FNDC1: variants seen among roughly 807,000 people sequenced by gnomAD.
The protein encoded by FNDC1 is fibronectin type III domain containing 1.
In FNDC1, 96 loss-of-function variants were observed where a neutral mutation model predicts 168.0. The ratio of observed to expected loss-of-function variants is 0.57; its 90% CI spans 0.48 to 0.68. The LOEUF (loss-of-function observed/expected upper bound fraction) is 0.68. Ranked by LOEUF, FNDC1 falls within the 30% of genes least tolerant of loss-of-function variation. The pLI is 0.00. For missense variants in FNDC1, 2,587 were observed against 2,482.1 expected (o/e 1.04, Z -0.90); for synonymous variants, 1,099 against 1,025.9 (o/e 1.07, Z -1.36).
At chr6:159,206,577 G>A (rs1302194264) in intron 4 of FNDC1, among the ~76,000 whole-genome samples, 2 of 152,228 alleles carry the variant, frequency 1.3e-5, no homozygotes, top group Non-Finnish European at 2.9e-5. Context: ...GTTGACAACA[G>A]CTGGGGCTTG....
intron 1 of FNDC1, among the ~76,000 whole-genome samples, chr6:159,178,113 C>A (rs1034845384): frequency 6.6e-6 from 1 of 152,068 alleles, no homozygotes; most frequent in Non-Finnish European, 1.5e-5. Context: ...CAAGAGCTCT[C>A]AGCAAAGACT....
chr6:159,181,791 A>G (rs768678666), intron 1 of FNDC1, among the ~76,000 whole-genome samples: 22 of 151,968 alleles, frequency 1.4e-4, no homozygotes, highest in Non-Finnish European at 2.8e-4. Flanking sequence ...TCTAGATTGT[A>G]TTTTCTAATT....
chr6:159,242,884 T>A (rs567470905), intron 14 of FNDC1, among the ~76,000 whole-genome samples: 3 of 152,388 alleles, frequency 2.0e-5, no homozygotes, highest in South Asian at 4.1e-4. Context: ...TCATTTTTTT[T>A]ATTCCATTGT....
intron 20 of FNDC1, among the ~76,000 whole-genome samples, chr6:159,265,790 T>G (rs189594806): frequency 1.3e-5 from 2 of 152,220 alleles, no homozygotes; most frequent in East Asian, 3.9e-4. Context: ...TAGCCGGGTG[T>G]GGTGGCGTGC....
At chr6:159,268,229 T>C (rs1303725968) in intron 22 of FNDC1, among the ~76,000 whole-genome samples, 1 of 152,078 alleles carries the variant, frequency 6.6e-6, no homozygotes, top group Non-Finnish European at 1.5e-5. Context: ...GCTATTTGAT[T>C]GTGGCATTAT....
At chr6:159,225,928 T>C (rs770508110) in intron 8 of FNDC1, among the ~76,000 whole-genome samples, 3 of 152,240 alleles carry the variant, frequency 2.0e-5, no homozygotes, top group Non-Finnish European at 4.4e-5. Context: ...TACCGTTTGT[T>C]GGCCTTTTCC....
chr6:159,235,743 A>G (rs1433275762), intron 11 of FNDC1, among the ~76,000 whole-genome samples: 1 of 152,190 alleles, frequency 6.6e-6, no homozygotes, highest in Non-Finnish European at 1.5e-5. Context: ...TTGAGACAGC[A>G]TTGTGCTTTT....
chr6:159,210,378 A>T (rs916119917), intron 4 of FNDC1, among the ~76,000 whole-genome samples: 62 of 152,224 alleles, frequency 4.1e-4, no homozygotes, highest in African/African-American at 1.4e-3. Context: ...AGCCTTTCTG[A>T]GCCTCACTTC....
chr6:159,223,003 T>A (rs1583883821), intron 6 of FNDC1, among the ~76,000 whole-genome samples: 1 of 61,064 alleles, frequency 1.6e-5, no homozygotes, highest in South Asian at 6.3e-4. Context: ...TTTTTTTTTT[T>A]TTTTTTTTTG....
Position 159,232,651 on chromosome 6 carries a change from A to C in FNDC1, c.2139A>C (p.Ser713=). The C allele has an allele frequency of 6.8e-6, 11 of 1,613,142 alleles. No individual in the cohort carries two copies. The highest frequency in any genetic ancestry group is 9.3e-6 in the Non-Finnish European group (11 of 1,179,420). ...CCGCAGAGGAAGATTCCAGTGCCTC[A>C]GCCCCACCCTCAAGACTTTCTCCAC... ...SGAAEEDSSA[S]APPSRLSPPH... Residue 713 remains serine (S), a synonymous_variant, in exon 11 of 23, where the codon TCA becomes TCC. Coordinates refer to ENST00000297267, the MANE Select transcript of FNDC1 (RefSeq NM_032532.3). This position sits in a 1 kb window ranked among gnomAD's most constrained non-coding sequence, Gnocchi z 4.9.
At chr6:159,269,506 C>A in intron 22 of FNDC1, among the ~76,000 whole-genome samples, 1 of 116,756 alleles carries the variant, frequency 8.6e-6, no homozygotes. Context: ...ATCTATCCAT[C>A]CATCCATGCA....
chr6:159,204,687 C>G (rs1057078662), intron 4 of FNDC1, among the ~76,000 whole-genome samples: 1 of 152,210 alleles, frequency 6.6e-6, no homozygotes, highest in Non-Finnish European at 1.5e-5. Flanking sequence ...TCTCTGTCTG[C>G]CATGCTGATG....
intron 1 of FNDC1, among the ~76,000 whole-genome samples, chr6:159,170,816 G>C (rs1324115055): frequency 1.3e-5 from 2 of 152,170 alleles, no homozygotes; most frequent in African/African-American, 4.8e-5. Flanking sequence ...AGTGCCTGCC[G>C]TAGGGTCTTT....
chr6:159,177,856 A>G (rs984271811), intron 1 of FNDC1, among the ~76,000 whole-genome samples: 8 of 152,082 alleles, frequency 5.3e-5, no homozygotes, highest in African/African-American at 1.7e-4. Flanking sequence ...CTTATGGCCA[A>G]TTCTGGTGTG....
chr6:159,223,510 G>A lies in FNDC1; in HGVS notation c.767-18G>A, dbSNP rs1332977147. 3 of 1,556,998 alleles carry A rather than the reference G, an allele frequency of 1.9e-6. No individual in the cohort carries two copies. Among genetic ancestry groups the A allele is most frequent in the African/African-American group, 1.4e-5 (1 of 73,626 alleles). On this transcript the variant is annotated intron_variant, in intron 6 of 22. Transcript: ENST00000297267. Reference sequence around the variant, plus strand: ...GTTGTGAGAGAAAGCCTTTCTCTGGGTCTCGTTGTCATTTCAGAAGAGGAC... The same window carrying A: ...GTTGTGAGAGAAAGCCTTTCTCTGGATCTCGTTGTCATTTCAGAAGAGGAC...
At chr6:159,171,559 G>A (rs1781660796) in intron 1 of FNDC1, among the ~76,000 whole-genome samples, 1 of 152,120 alleles carries the variant, frequency 6.6e-6, no homozygotes, top group South Asian at 2.1e-4. Flanking sequence ...ATTACCCACG[G>A]CCACATAATA....
At chr6:159,182,834 C>G (rs1242391049) in intron 1 of FNDC1, among the ~76,000 whole-genome samples, 1 of 152,174 alleles carries the variant, frequency 6.6e-6, no homozygotes. Context: ...GATTTACAAT[C>G]AATAGGCAGA....
intron 1 of FNDC1, among the ~76,000 whole-genome samples, chr6:159,178,804 T>G (rs1254560395): frequency 6.6e-6 from 1 of 150,944 alleles, no homozygotes; most frequent in Non-Finnish European, 1.5e-5. Context: ...CTCAGGGAAG[T>G]GCGGCTACCA....
chr6:159,196,981 C>T (rs1416001160), intron 1 of FNDC1, among the ~76,000 whole-genome samples: 3 of 152,148 alleles, frequency 2.0e-5, no homozygotes, highest in African/African-American at 7.2e-5. Flanking sequence ...ACTTAGAATA[C>T]AATGGATATT....
Sources: allele counts gnomAD v4.1 joint callset (sites outside exome capture counted in the v4.1 genomes callset), GRCh38; gene constraint gnomAD v4.1.1; non-coding constraint Gnocchi (gnomAD v3.1); transcripts MANE v1.5; gene names NCBI Gene and HGNC (gene_info 2026-07-23, HGNC 2026-07-21).